The following AGMO variants were observed in gnomAD, a reference collection of about 807,000 sequenced individuals.
AGMO encodes glyceryl-ether monooxygenase.
Under a neutral mutation model 60.2 loss-of-function variants are expected in AGMO, and 75 were observed. That is an observed-to-expected ratio of 1.25 (90% CI 1.03 to 1.51). The LOEUF (loss-of-function observed/expected upper bound fraction) is 1.51, where lower values mean the gene tolerates loss of function less well. Among genes scored for constraint, AGMO ranks in the 40% most tolerant of loss-of-function variants. The pLI is 0.00. For missense variants in AGMO, 763 were observed against 525.5 expected (o/e 1.45, Z -4.42); for synonymous variants, 261 against 177.1 (o/e 1.47, Z -3.76).
At chr7:15,392,145 C>T (rs1784168322) in intron 6 of AGMO, among the ~76,000 whole-genome samples, 1 of 152,000 alleles carries the variant, frequency 6.6e-6, no homozygotes, top group African/African-American at 2.4e-5. Context: ...TCTCGGCTCA[C>T]TGCAAGCTCT....
the AGMO span, among the ~76,000 whole-genome samples, chr7:15,161,725 A>G: frequency 6.6e-6 from 1 of 151,844 alleles, no homozygotes; most frequent in Non-Finnish European, 1.5e-5. Context: ...ACACATATGT[A>G]ATCACATACA....
intron 3 of AGMO, among the ~76,000 whole-genome samples, chr7:15,450,194 G>A (rs1781820202): frequency 1.3e-5 from 2 of 152,232 alleles, no homozygotes; most frequent in South Asian, 4.1e-4. Flanking sequence ...GCCGAGGCGG[G>A]CAGATCACGA....
At chr7:15,446,048 G>T (rs958090062) in intron 3 of AGMO, among the ~76,000 whole-genome samples, 5 of 152,178 alleles carry the variant, frequency 3.3e-5, no homozygotes, top group Non-Finnish European at 7.4e-5. Flanking sequence ...GTGTCAGGAA[G>T]TGTTATTTTC....
intron 12 of AGMO, among the ~76,000 whole-genome samples, chr7:15,281,359 C>A (rs1783959904): frequency 6.6e-6 from 1 of 152,156 alleles, no homozygotes; most frequent in South Asian, 2.1e-4. Flanking sequence ...CTATAGACAG[C>A]CTTTCTGGAA....
chr7:15,529,548 ATATATAGAATATATATT>A (rs1486814761), intron 3 of AGMO, among the ~76,000 whole-genome samples: 11 of 126,248 alleles, frequency 8.7e-5, no homozygotes, highest in African/African-American at 3.3e-4. Flanking sequence ...TATATTCTAT[ATATATAGAATATATATT>A]CTATATATAG....
chr7:15,215,142 A>G (rs1362033084), intron 12 of AGMO, among the ~76,000 whole-genome samples: 2 of 152,084 alleles, frequency 1.3e-5, no homozygotes, highest in African/African-American at 2.4e-5. Context: ...CCTCTGCAAT[A>G]AATCAGTCCA....
intron 6 of AGMO, among the ~76,000 whole-genome samples, chr7:15,392,819 C>T (rs892434319): frequency 6.6e-6 from 1 of 151,192 alleles, no homozygotes; most frequent in Non-Finnish European, 1.5e-5. Context: ...AACAAACAAA[C>T]AAACAAACAA....
At chr7:15,450,217 G>A (rs895774472) in intron 3 of AGMO, among the ~76,000 whole-genome samples, 14 of 151,938 alleles carry the variant, frequency 9.2e-5, no homozygotes, top group Non-Finnish European at 1.6e-4. Context: ...TCAAGAGATC[G>A]AGACCATCCT....
At position 15,200,410 on chromosome 7, in the gene AGMO, T is replaced by C. The variant is rs551708348; in HGVS notation, c.*875A>G. The C allele has an allele frequency of 7.9e-4, 120 of 152,360 alleles. No homozygotes were observed. Among genetic ancestry groups the C allele is most frequent in the African/African-American group, 2.8e-3 (118 of 41,592 alleles). The allele number at this position is 152,360 out of a possible 1,614,324, so 9.4% of individuals were successfully genotyped here. ...ATGCTGCCCAGTCTGCCAAAACAAATTGACCAAGCATATTAGAGAAATGTA... is the reference window on the plus strand; with the variant it reads ...ATGCTGCCCAGTCTGCCAAAACAAACTGACCAAGCATATTAGAGAAATGTA... On this transcript the variant is annotated 3_prime_UTR_variant, in exon 13 of 13. Coordinates refer to ENST00000342526, the MANE Select transcript of AGMO (RefSeq NM_001004320.2).
chr7:15,544,665 C>T (rs1784724639), intron 3 of AGMO, 107 bp downstream of exon 3: 4 of 942,770 alleles, frequency 4.2e-6, no homozygotes, highest in Non-Finnish European at 5.8e-6. Flanking sequence ...GTAAAATATA[C>T]TATTTTATTC....
Position 15,443,041 on chromosome 7 carries a change from C to T in AGMO, c.410-11933G>A, listed in dbSNP as rs537693244. 5.3e-5 allele frequency among the ~76,000 whole-genome samples: 8 copies of T among 152,324 alleles called. No homozygotes were observed. The South Asian group carries it at 1.7e-3, about 32-fold the overall frequency. On this transcript the variant is annotated intron_variant, in intron 3 of 12. Transcript: ENST00000342526. ...GAAAACCAACTTCCCACTCCATCTC[C>T]CCTCTGGCTTCGCCATCTGCTGAGA...
intron 3 of AGMO, among the ~76,000 whole-genome samples, chr7:15,498,025 C>G (rs1175440295): frequency 9.9e-5 from 15 of 152,010 alleles, no homozygotes; most frequent in Non-Finnish European, 2.2e-4. Context: ...ACTGCACCCA[C>G]AACACACACG....
At chr7:15,145,827 T>C in the AGMO span, among the ~76,000 whole-genome samples, 2 of 152,158 alleles carry the variant, frequency 1.3e-5, no homozygotes, top group African/African-American at 4.8e-5. Flanking sequence ...AACCTGTATC[T>C]ACTTTCTTCC....
At chr7:15,363,658 A>C (rs1782851207) in intron 12 of AGMO, among the ~76,000 whole-genome samples, 1 of 152,140 alleles carries the variant, frequency 6.6e-6, no homozygotes, top group African/African-American at 2.4e-5. Context: ...CGTTCATCAC[A>C]CTTAAAAGCT....
intron 12 of AGMO, among the ~76,000 whole-genome samples, chr7:15,242,095 A>AT (rs1166464356): frequency 6.6e-6 from 1 of 152,000 alleles, no homozygotes; most frequent in African/African-American, 2.4e-5. Flanking sequence ...GTATAATTAA[A>AT]TTTTTCCCCA....
chr7:15,531,572 C>CTATATATATT lies in AGMO; in HGVS notation c.409+13199_409+13200insAATATATATA, dbSNP rs1473301900. ...TCTATATATATATTCTCTATATATTCCATATATATATTCTATATATATTCT... is the reference window on the plus strand; with the variant it reads ...TCTATATATATATTCTCTATATATTCTATATATATTCATATATATATTCTATATATATTCT... On this transcript the variant is annotated intron_variant, in intron 3 of 12. Transcript: ENST00000342526. 4.1e-5 allele frequency among the ~76,000 whole-genome samples: 3 copies of CTATATATATT among 72,940 alleles called. 1 individual carries two copies. Among genetic ancestry groups the CTATATATATT allele is most frequent in the Non-Finnish European group, 7.8e-5 (3 of 38,586 alleles). 47.9% of individuals were successfully genotyped at this position (72,940 alleles called of 152,430 possible).
At chr7:15,118,876 A>ATT in the AGMO span, among the ~76,000 whole-genome samples, 23 of 81,758 alleles carry the variant, frequency 2.8e-4, 3 homozygotes, top group Admixed American at 4.6e-4. Context: ...AGACGTCAGT[A>ATT]TTTTTTTTTT....
the AGMO span, among the ~76,000 whole-genome samples, chr7:15,156,105 A>T: frequency 6.6e-6 from 1 of 152,138 alleles, no homozygotes; most frequent in South Asian, 2.1e-4. Flanking sequence ...CCTTGTACAT[A>T]TGCACACCAG....
chr7:15,350,974 A>G (rs1782222394), intron 12 of AGMO, among the ~76,000 whole-genome samples: 1 of 152,182 alleles, frequency 6.6e-6, no homozygotes, highest in Non-Finnish European at 1.5e-5. Flanking sequence ...CCAACAAGTT[A>G]TTAGGCAAAA....
Sources: gnomAD v4.1 joint callset for allele counts (sites outside exome capture counted in the v4.1 genomes callset) on GRCh38, gnomAD v4.1.1 for gene constraint, MANE v1.5 for transcripts, NCBI Gene and HGNC (gene_info 2026-07-23, HGNC 2026-07-21) for gene names.